The following FAM184A variants were observed in gnomAD, a reference collection of about 807,000 sequenced individuals.
The protein encoded by FAM184A is family with sequence similarity 184 member A.
In FAM184A, 99 loss-of-function variants were observed where a neutral mutation model predicts 143.8. The observed-to-expected ratio is 0.69, with a 90% CI of 0.58 to 0.81. The LOEUF is 0.81. FAM184A is among the 40% of genes least tolerant of loss of function. The pLI, the probability that FAM184A is intolerant of heterozygous loss-of-function variation, is 0.00. For synonymous variants in FAM184A, 427 were observed against 446.4 expected (o/e 0.96, Z 0.55); for missense variants, 1,217 against 1,310.5 (o/e 0.93, Z 1.10).
chr6:119,117,648 C>A (rs1266345259), intron 1 of FAM184A, among the ~76,000 whole-genome samples: 1 of 152,122 alleles, frequency 6.6e-6, no homozygotes, highest in Non-Finnish European at 1.5e-5. Flanking sequence ...CTTAGGTGAA[C>A]CTCAAAACAA....
At chr6:119,074,053 T>C (rs928834349) in intron 1 of FAM184A, among the ~76,000 whole-genome samples, 1 of 152,146 alleles carries the variant, frequency 6.6e-6, no homozygotes, top group South Asian at 2.1e-4. Flanking sequence ...TGTCAAGGAA[T>C]TGAGGTGAAA....
chr6:119,041,873 G>A (rs1014527146), intron 1 of FAM184A, among the ~76,000 whole-genome samples: 1 of 152,074 alleles, frequency 6.6e-6, no homozygotes, highest in African/African-American at 2.4e-5. Context: ...TCTCTTCCAT[G>A]ACCCACGGCT....
intron 1 of FAM184A, among the ~76,000 whole-genome samples, chr6:119,058,428 C>T (rs2114762412): frequency 6.6e-6 from 1 of 152,058 alleles, no homozygotes; most frequent in South Asian, 2.1e-4. Context: ...GTCTCAAACT[C>T]CTGACTTCAG....
chr6:118,980,543 T>C (rs768172547), intron 9 of FAM184A, among the ~76,000 whole-genome samples, 193 bp from the exon 10 acceptor site: 1 of 152,220 alleles, frequency 6.6e-6, no homozygotes, highest in Non-Finnish European at 1.5e-5. Context: ...CCACTTTCTG[T>C]AATTATTCTG....
chr6:119,135,211 G>A (rs927073393), intron 1 of FAM184A, among the ~76,000 whole-genome samples: 2 of 152,082 alleles, frequency 1.3e-5, no homozygotes, highest in Admixed American at 1.3e-4. Flanking sequence ...TTAAACAAAA[G>A]ACTCAAGTTG....
chr6:119,089,159 A>ATT (rs200716926), intron 1 of FAM184A, among the ~76,000 whole-genome samples: 2,361 of 137,690 alleles, frequency 0.017, 53 homozygotes, highest in African/African-American at 0.052. Context: ...GCTAACACCT[A>ATT]TTTTTTTTTT....
intron 3 of FAM184A, 150 bp downstream of exon 3, chr6:119,022,795 T>G: frequency 1.2e-6 from 1 of 829,422 alleles, no homozygotes; most frequent in Non-Finnish European, 1.8e-6. Flanking sequence ...GAGAATTGCT[T>G]GAACCCAGGA....
In FAM184A at chr6:119,124,692, C is replaced by T. The variant is rs192003759; in HGVS notation, c.-202+24386G>A. Among the ~76,000 whole-genome samples, 34 of 151,624 alleles carry T rather than the reference C, an allele frequency of 2.2e-4. No homozygotes were observed. In the East Asian group the frequency reaches 3.9e-3, roughly 17 times the overall value. ...TTTCCATCTGGCAAATCTAATAAAA[C>T]GTGAAAAGACATTAAGTCATGAACA... is the stretch of plus-strand genomic sequence containing the variant. On this transcript the variant is annotated intron_variant, in intron 1 of 16. Coordinates refer to the FAM184A transcript ENST00000352896.
At chr6:118,973,711 A>AC (rs1783764038) in intron 14 of FAM184A, among the ~76,000 whole-genome samples, 1 of 152,184 alleles carries the variant, frequency 6.6e-6, no homozygotes, top group Non-Finnish European at 1.5e-5. Context: ...CTGAGTACAA[A>AC]CTGCATTAGC....
At chr6:119,077,407 TATGA>T (rs1223623043) in intron 1 of FAM184A, among the ~76,000 whole-genome samples, 13 of 152,268 alleles carry the variant, frequency 8.5e-5, no homozygotes, top group Non-Finnish European at 1.6e-4. Flanking sequence ...ATATAACAGA[TATGA>T]ATTGCTCTTG....
At chr6:119,006,038 T>A in intron 7 of FAM184A, 1 of 760,270 alleles carries the variant, frequency 1.3e-6, no homozygotes. Flanking sequence ...TCAGTACAGA[T>A]GTATTAAGTT....
intron 9 of FAM184A, among the ~76,000 whole-genome samples, chr6:118,995,973 A>G (rs1422384472): frequency 1.3e-5 from 2 of 152,212 alleles, no homozygotes; most frequent in Non-Finnish European, 1.5e-5. Flanking sequence ...CTCAGTATTC[A>G]TTAAAGACTG....
chr6:119,104,264 C>A (rs1431254916), intron 1 of FAM184A, among the ~76,000 whole-genome samples: 2 of 152,172 alleles, frequency 1.3e-5, no homozygotes, highest in Non-Finnish European at 2.9e-5. Context: ...ACCTCTGCCT[C>A]CCAAAGTACT....
At chr6:118,977,446 A>C (rs1783880308) in intron 11 of FAM184A, among the ~76,000 whole-genome samples, 1 of 152,084 alleles carries the variant, frequency 6.6e-6, no homozygotes. Context: ...TGGGTGTGGC[A>C]GCACACACTT....
At chr6:119,086,207 T>C (rs1432634652) in intron 1 of FAM184A, among the ~76,000 whole-genome samples, 2 of 152,204 alleles carry the variant, frequency 1.3e-5, no homozygotes, top group African/African-American at 2.4e-5. Context: ...GCCTGTTTCT[T>C]TCATGAGATT....
At chr6:119,139,679 G>A (rs771088737) in intron 1 of FAM184A, among the ~76,000 whole-genome samples, 3 of 151,356 alleles carry the variant, frequency 2.0e-5, no homozygotes, top group Non-Finnish European at 2.9e-5. Context: ...GGGATATTTG[G>A]TGACCCATTT....
chr6:118,994,663 G>C (rs1420376450), intron 9 of FAM184A, among the ~76,000 whole-genome samples: 1 of 150,124 alleles, frequency 6.7e-6, no homozygotes, highest in African/African-American at 2.5e-5. Context: ...TCCAGCCTGG[G>C]CAACAGAGCG....
chr6:119,022,220 G>A (rs1337490726), intron 3 of FAM184A, among the ~76,000 whole-genome samples: 1 of 151,760 alleles, frequency 6.6e-6, no homozygotes, highest in African/African-American at 2.4e-5. Context: ...ACCATGCCCA[G>A]CTAATTTTTG....
chr6:118,974,378 C>G (rs1224171252), intron 14 of FAM184A, 50 bp downstream of exon 14: 1 of 1,521,618 alleles, frequency 6.6e-7, no homozygotes, highest in Non-Finnish European at 8.9e-7. Flanking sequence ...AAACACAGTG[C>G]TCCTAAATTT....
Sources: gnomAD v4.1 joint callset for allele counts (sites outside exome capture counted in the v4.1 genomes callset) on GRCh38, gnomAD v4.1.1 for gene constraint, MANE v1.5 for transcripts, NCBI Gene and HGNC (gene_info 2026-07-23, HGNC 2026-07-21) for gene names.